Variants in PCDH15 observed in about 807,000 individuals in gnomAD.
The protein encoded by PCDH15 is protocadherin-15.
PCDH15 carries 129 observed loss-of-function variants against 178.5 expected under a neutral mutation model. The observed-to-expected ratio is 0.72, with a 90% CI of 0.63 to 0.84. The LOEUF is 0.84. PCDH15 is among the 40% of genes least tolerant of loss of function. PCDH15 has a pLI of 0.00. For synonymous variants in PCDH15, 800 were observed against 732.0 expected, an observed-to-expected ratio of 1.09 and a Z score of -1.50; for missense variants, 2,230 against 2,099.9, an observed-to-expected ratio of 1.06 and a Z score of -1.21.
At chr10:53,882,769 T>A (rs2080820602) in intron 26 of PCDH15, among the ~76,000 whole-genome samples, 1 of 152,212 alleles carries the variant, frequency 6.6e-6, no homozygotes, top group Non-Finnish European at 1.5e-5. Flanking sequence ...TGTTTTTCCC[T>A]CTGTTTTTCT....
At chr10:54,778,247 T>A (rs1051530491) in intron 1 of PCDH15, among the ~76,000 whole-genome samples, 2 of 152,218 alleles carry the variant, frequency 1.3e-5, no homozygotes, top group Admixed American at 6.5e-5. Context: ...GGATTACTGA[T>A]AAATGTCCTT....
chr10:55,540,754 T>A (rs1207418682), intron 2 of PCDH15, among the ~76,000 whole-genome samples: 2 of 152,056 alleles, frequency 1.3e-5, no homozygotes, highest in African/African-American at 4.8e-5. Flanking sequence ...AATGATGATA[T>A]GTTTTGAACT....
chr10:54,994,155 T>C (rs1839578193), intron 2 of PCDH15, among the ~76,000 whole-genome samples: 1 of 152,220 alleles, frequency 6.6e-6, no homozygotes, highest in South Asian at 2.1e-4. Context: ...ATGTTTTCCC[T>C]TTACTCATAA....
chr10:54,697,760 G>A (rs898680034), intron 1 of PCDH15, among the ~76,000 whole-genome samples: 1 of 151,152 alleles, frequency 6.6e-6, no homozygotes, highest in Non-Finnish European at 1.5e-5. Flanking sequence ...AGGAAGGCCG[G>A]CAGGAAGGAA....
intron 3 of PCDH15, among the ~76,000 whole-genome samples, chr10:54,502,350 T>G (rs997799616): frequency 6.6e-6 from 1 of 152,138 alleles, no homozygotes; most frequent in Non-Finnish European, 1.5e-5. Flanking sequence ...ATTCTATTTA[T>G]ATTTTTCACT....
intron 33 of PCDH15, among the ~76,000 whole-genome samples, chr10:53,818,880 T>C (rs943591581): frequency 2.0e-5 from 3 of 151,456 alleles, no homozygotes; most frequent in African/African-American, 7.3e-5. Context: ...AAAGAATCTC[T>C]GTAGAAAAAT....
chr10:55,510,910 G>C (rs1840868080), intron 2 of PCDH15, among the ~76,000 whole-genome samples: 1 of 150,998 alleles, frequency 6.6e-6, no homozygotes, highest in African/African-American at 2.4e-5. Context: ...CTACAGGCTG[G>C]AGTGCAGTGG....
chr10:54,565,231 T>C (rs1288659638), intron 2 of PCDH15, among the ~76,000 whole-genome samples: 2 of 152,232 alleles, frequency 1.3e-5, no homozygotes, highest in African/African-American at 4.8e-5. Flanking sequence ...ATATTTCTTT[T>C]ATTATAAATC....
chr10:54,982,081 T>C (rs886906307), intron 2 of PCDH15, among the ~76,000 whole-genome samples: 4 of 152,242 alleles, frequency 2.6e-5, no homozygotes, highest in African/African-American at 7.2e-5. Flanking sequence ...GCCTAGAACG[T>C]TGGATTTACA....
intron 9 of PCDH15, among the ~76,000 whole-genome samples, chr10:54,225,259 G>C (rs1043366310): frequency 4.6e-5 from 7 of 152,104 alleles, no homozygotes; most frequent in African/African-American, 1.7e-4. Flanking sequence ...ATCCTTTAAA[G>C]TTTGAAAACC....
chr10:55,426,366 G>T (rs1838754879), intron 2 of PCDH15, among the ~76,000 whole-genome samples: 1 of 152,120 alleles, frequency 6.6e-6, no homozygotes, highest in Non-Finnish European at 1.5e-5. Context: ...GCCGGCAGGG[G>T]TGAACTGCAC....
At chr10:54,545,874 A>T (rs919210754) in intron 2 of PCDH15, among the ~76,000 whole-genome samples, 1 of 152,196 alleles carries the variant, frequency 6.6e-6, no homozygotes, top group South Asian at 2.1e-4. Flanking sequence ...TTAAAACTGC[A>T]CTTGCCAGAC....
rs190535244 is a variant in PCDH15 at position 54,541,282 on chromosome 10, T to C, written c.92-13405A>G. ...ATCACCAAAAAGCTCCTGAAACTGA[T>C]AAATGGCTTCAGTATAGTTTGAGGA... On this transcript the variant is annotated intron_variant, in intron 2 of 37. Transcript: ENST00000644397. Among the ~76,000 whole-genome samples the C allele has an allele frequency of 2.9e-4, 44 of 152,296 alleles. No individual in the cohort carries two copies. The East Asian group carries it at 7.3e-3, about 25-fold the overall frequency.
At chr10:53,808,038 A>G (rs1005836194) in intron 37 of PCDH15, 2 of 151,562 alleles carry the variant, frequency 1.3e-5, no homozygotes, top group Non-Finnish European at 2.9e-5. Context: ...CCTAGAAAAA[A>G]TTTTATGCCT....
At chr10:54,574,198 T>A (rs530476558) in intron 2 of PCDH15, among the ~76,000 whole-genome samples, 64 of 151,488 alleles carry the variant, frequency 4.2e-4, no homozygotes, top group African/African-American at 1.5e-3. Flanking sequence ...GAATTAATTT[T>A]TGTATAAGGT....
At chr10:55,444,577 TA>T (rs1333590808) in intron 2 of PCDH15, among the ~76,000 whole-genome samples, 1 of 152,068 alleles carries the variant, frequency 6.6e-6, no homozygotes, top group Non-Finnish European at 1.5e-5. Context: ...AATGAAATAA[TA>T]GAGATATAAA....
intron 2 of PCDH15, among the ~76,000 whole-genome samples, chr10:54,973,551 G>A (rs1045191741): frequency 1.3e-5 from 2 of 152,118 alleles, no homozygotes; most frequent in African/African-American, 4.8e-5. Context: ...AATCATGCCT[G>A]CTTGCAGTAG....
intron 2 of PCDH15, among the ~76,000 whole-genome samples, chr10:54,962,308 G>C (rs1267537219): frequency 6.6e-6 from 1 of 152,176 alleles, no homozygotes; most frequent in Non-Finnish European, 1.5e-5. Context: ...CACCCCACGT[G>C]ATGGGAAGCA....
intron 3 of PCDH15, among the ~76,000 whole-genome samples, chr10:54,818,031 T>C (rs929816414): frequency 2.0e-5 from 3 of 152,004 alleles, no homozygotes; most frequent in African/African-American, 7.2e-5. Flanking sequence ...AGCTTAGTAC[T>C]TAGTAACAAC....
Sources: allele counts gnomAD v4.1 joint callset (sites outside exome capture counted in the v4.1 genomes callset), GRCh38; gene constraint gnomAD v4.1.1; transcripts MANE v1.5; gene names NCBI Gene and HGNC (gene_info 2026-07-23, HGNC 2026-07-21).